ECI2: variants seen among roughly 807,000 people sequenced by gnomAD.
ECI2 encodes the protein D3,D2-enoyl-CoA isomerase.
In ECI2, 27 loss-of-function variants were observed where a neutral mutation model predicts 38.4. That is an observed-to-expected ratio of 0.70 (90% CI 0.52 to 0.97). ECI2 has a LOEUF of 0.97. Ranked by LOEUF, ECI2 falls within the 50% of genes least tolerant of loss-of-function variation. ECI2 has a pLI of 0.00. For missense variants in ECI2, 470 were observed against 474.4 expected, an observed-to-expected ratio of 0.99 and a Z score of 0.09; for synonymous variants, 168 against 172.0, an observed-to-expected ratio of 0.98 and a Z score of 0.18.
intron 7 of ECI2, among the ~76,000 whole-genome samples, chr6:4,121,757 T>G (rs1772787112): frequency 6.6e-6 from 1 of 151,964 alleles, no homozygotes; most frequent in Non-Finnish European, 1.5e-5. Context: ...TATGAAAGAA[T>G]GTTAATTTAA....
At chr6:4,126,283 A>G in intron 5 of ECI2, 46 bp from the exon 6 acceptor site, 1 of 1,505,380 alleles carries the variant, frequency 6.6e-7, no homozygotes, top group Non-Finnish European at 9.1e-7. Flanking sequence ...TCATCCTATA[A>G]TTCTTGAGTA....
In ECI2 at chr6:4,119,235, G is replaced by A. The variant is rs148743554; in HGVS notation, c.836C>T (p.Pro279Leu). 27 of 1,613,702 alleles carry A rather than the reference G, an allele frequency of 1.7e-5. No homozygotes were observed. The highest frequency in any genetic ancestry group is 1.5e-4 in the African/African-American group (11 of 74,988). Residue 279 changes from proline to leucine, a missense_variant, in exon 8 of 10, where the codon CCG (proline) becomes CTG (leucine). By Grantham distance (98) the Pro-to-Leu change is moderately conservative. Transcript: ENST00000380118. ...HTPFSHLGQS[P>L]EGCSSYTFPK... ...AAAAGTGTAAGAGGAGCATCCTTCC[G>A]GACTTTGGCCTAGGTGACTAAATGG...
chr6:4,119,494 T>C (rs566079786), intron 7 of ECI2, among the ~76,000 whole-genome samples: 1 of 152,272 alleles, frequency 6.6e-6, no homozygotes, highest in South Asian at 2.1e-4. Flanking sequence ...CTAATTTTTG[T>C]ATTTTTCGTA....
rs138134833 is a variant in ECI2 at position 4,132,083 on chromosome 6, C to T, written c.214-1218G>A. Among the ~76,000 whole-genome samples the T allele has an allele frequency of 3.7e-3, 562 of 152,232 alleles. 2 individuals are homozygous for T. Among genetic ancestry groups the T allele is most frequent in the Middle Eastern group, 0.01 (3 of 294 alleles). ...CACCCAGGACCACCCTCAAGTGCAA[C>T]AATTTGCTAGAAAGACACCCAGAAC... On this transcript the variant is annotated intron_variant, in intron 2 of 9. Coordinates refer to ENST00000380118, the MANE Select transcript of ECI2 (RefSeq NM_206836.3).
At position 4,127,850 on chromosome 6, in the gene ECI2, A is replaced by C; in HGVS notation, c.502-19T>G. The C allele has an allele frequency of 1.9e-6, 3 of 1,603,978 alleles. No individual in the cohort carries two copies. Among genetic ancestry groups the C allele is most frequent in the Non-Finnish European group, 1.7e-6 (2 of 1,175,748 alleles). On this transcript the variant is annotated intron_variant, in intron 4 of 9. Transcript: ENST00000380118. ...GATACATCTGTGTAATGGGAAGACA[A>C]GGAAAAGAAAAGAACTCTGAACACA...
intron 1 of ECI2, 184 bp downstream of exon 1, chr6:4,135,327 G>C: frequency 6.9e-7 from 1 of 1,452,880 alleles, no homozygotes; most frequent in Non-Finnish European, 9.1e-7. Context: ...CGGGCCCAGC[G>C]GTGCAGGAGG....
chr6:4,127,976 G>A, intron 4 of ECI2, 145 bp from the exon 5 acceptor site: 1 of 667,142 alleles, frequency 1.5e-6, no homozygotes, highest in Non-Finnish European at 2.4e-6. Context: ...CCAAAAAGGT[G>A]GACCAACATA....
chr6:4,127,747 G>C lies in ECI2; in HGVS notation c.571+15C>G. The C allele has an allele frequency of 6.2e-7, 1 of 1,606,238 alleles. No individual in the cohort carries two copies. Among genetic ancestry groups the C allele is most frequent in the Non-Finnish European group, 8.5e-7 (1 of 1,177,180 alleles). On this transcript the variant is annotated intron_variant, in intron 5 of 9. Coordinates refer to ENST00000380118, the MANE Select transcript of ECI2 (RefSeq NM_206836.3). Reference sequence around the variant, plus strand: ...AAATAGAAATTTAATTAGGATGCCTGAGAAAATGTCTTACCTGTTAAAACA... The same window carrying C: ...AAATAGAAATTTAATTAGGATGCCTCAGAAAATGTCTTACCTGTTAAAACA...
chr6:4,135,265 G>T, intron 1 of ECI2: 1 of 1,180,924 alleles, frequency 8.5e-7, no homozygotes, highest in Non-Finnish European at 1.2e-6. Context: ...CTTGGGGACT[G>T]CTGACAGGGA....
chr6:4,122,036 G>C, intron 7 of ECI2: 1 of 1,595,324 alleles, frequency 6.3e-7, no homozygotes, highest in Non-Finnish European at 8.6e-7. Context: ...CAGCTAAAGG[G>C]ACACAAACAG....
intron 8 of ECI2, chr6:4,118,594 T>C (rs993284479): frequency 6.6e-6 from 1 of 152,294 alleles, no homozygotes; most frequent in African/African-American, 2.4e-5. Flanking sequence ...CCACAGGGCG[T>C]GGGCAACTAG....
chr6:4,119,524 T>C (rs919190721), intron 7 of ECI2, among the ~76,000 whole-genome samples: 17 of 152,164 alleles, frequency 1.1e-4, no homozygotes, highest in Admixed American at 1.1e-3. Flanking sequence ...TTTCGCCCTG[T>C]TGGCCAGGTT....
At chr6:4,117,092 C>T (rs1340460445) in intron 9 of ECI2, among the ~76,000 whole-genome samples, 1 of 152,210 alleles carries the variant, frequency 6.6e-6, no homozygotes, top group African/African-American at 2.4e-5. Flanking sequence ...CCTCTGTCCC[C>T]ACACAGAAAT....
intron 2 of ECI2, 56 bp downstream of exon 2, chr6:4,133,493 T>C (rs749442869): frequency 8.4e-6 from 13 of 1,551,342 alleles, no homozygotes; most frequent in Non-Finnish European, 1.1e-5. Flanking sequence ...AGTGTATTTA[T>C]TTAAGAAGTC....
intron 5 of ECI2, 42 bp downstream of exon 5, chr6:4,127,720 C>G (rs762818186): frequency 2.2e-5 from 35 of 1,594,392 alleles, no homozygotes; most frequent in Non-Finnish European, 2.5e-5. Flanking sequence ...AGAGGCCCCT[C>G]AAAATAGAAA....
intron 5 of ECI2, among the ~76,000 whole-genome samples, chr6:4,127,033 T>G (rs2113993870): frequency 6.6e-6 from 1 of 152,338 alleles, no homozygotes; most frequent in South Asian, 2.1e-4. Flanking sequence ...GAAGAACTTT[T>G]GTCTACTGTA....
intron 4 of ECI2, among the ~76,000 whole-genome samples, chr6:4,128,515 C>G (rs971835937): frequency 6.6e-6 from 1 of 152,116 alleles, no homozygotes; most frequent in African/African-American, 2.4e-5. Flanking sequence ...AGGAAGAGGG[C>G]TGATACTTAT....
intron 7 of ECI2, among the ~76,000 whole-genome samples, chr6:4,119,767 A>C (rs543571294): frequency 1.3e-5 from 2 of 152,340 alleles, no homozygotes; most frequent in South Asian, 4.1e-4. Flanking sequence ...ACAAATAGAG[A>C]GTTACATAGC....
In ECI2 at chr6:4,121,032, T is replaced by G. The variant is rs960758021; in HGVS notation, c.796-1757A>C. On this transcript the variant is annotated intron_variant, in intron 7 of 9. Coordinates refer to ENST00000380118, the MANE Select transcript of ECI2 (RefSeq NM_206836.3). ...ATATTTAGCTCAGAAGCTGCTAGAC[T>G]GTTTTCTAGAGTGGTTGTACCATTT... Among the ~76,000 whole-genome samples the G allele has an allele frequency of 2.0e-5, 3 of 152,212 alleles. No individual in the cohort carries two copies. The South Asian group carries it at 6.2e-4, about 32-fold the overall frequency.
Sources: allele counts gnomAD v4.1 joint callset (sites outside exome capture counted in the v4.1 genomes callset), GRCh38; gene constraint gnomAD v4.1.1; transcripts MANE v1.5; gene names NCBI Gene and HGNC (gene_info 2026-07-23, HGNC 2026-07-21).